UGT2A2: variants seen among roughly 807,000 people sequenced by gnomAD.
UGT2A2 encodes the protein UDP-glucuronosyltransferase 2A2.
UGT2A2 carries 60 observed loss-of-function variants against 50.7 expected under a neutral mutation model. The ratio of observed to expected loss-of-function variants is 1.18; its 90% CI spans 0.96 to 1.47. The LOEUF (loss-of-function observed/expected upper bound fraction) is 1.47, where lower values mean the gene tolerates loss of function less well. UGT2A2 is among the 40% of genes most tolerant of loss of function. The probability of loss-of-function intolerance (pLI) is 0.00; values close to 1 mark genes in which losing one functional copy is unlikely to be tolerated. For missense variants in UGT2A2, 762 were observed against 634.0 expected, an observed-to-expected ratio of 1.20 and a Z score of -2.17; for synonymous variants, 242 against 214.6, an observed-to-expected ratio of 1.13 and a Z score of -1.11.
intron 1 of UGT2A2, among the ~76,000 whole-genome samples, chr4:69,614,417 G>A (rs1288377450): frequency 6.6e-6 from 1 of 151,006 alleles, no homozygotes; most frequent in Non-Finnish European, 1.5e-5. Context: ...CAGATTCATT[G>A]CAATCCCTAT....
rs141706101 is a variant in UGT2A2, at chr4:69,614,630, C to A, written c.743-15236G>T. 5.1e-3 allele frequency among the ~76,000 whole-genome samples: 776 copies of A among 152,002 alleles called. 9 individuals are homozygous for A. Among genetic ancestry groups the A allele is most frequent in the African/African-American group, 0.017 (709 of 41,488 alleles). ...CTATTATAAAAAAAGACATATAGAC[C>A]AATGGAATAGAATAATGGACACAGA... On this transcript the variant is annotated intron_variant, in intron 1 of 5. Coordinates refer to ENST00000604629, the MANE Select transcript of UGT2A2 (RefSeq NM_001105677.2).
chr4:69,626,115 C>CT (rs1316531002), intron 1 of UGT2A2, among the ~76,000 whole-genome samples: 3 of 150,736 alleles, frequency 2.0e-5, no homozygotes, highest in African/African-American at 7.3e-5. Context: ...TACTTCATAA[C>CT]TTTTTTTTCT....
At chr4:69,630,079 A>G (rs1003723605) in intron 1 of UGT2A2, among the ~76,000 whole-genome samples, 1 of 152,082 alleles carries the variant, frequency 6.6e-6, no homozygotes, top group African/African-American at 2.4e-5. Context: ...ACACCATTAT[A>G]GTGTAATTAA....
chr4:69,596,402 C>T (rs756118487), intron 2 of UGT2A2, 21 bp from the exon 3 acceptor site: 28 of 1,540,472 alleles, frequency 1.8e-5, no homozygotes, highest in Non-Finnish European at 2.4e-5. Flanking sequence ...AATATATTTT[C>T]TATTACAAAG....
chr4:69,599,219 T>C, intron 2 of UGT2A2, 27 bp downstream of exon 2: 1 of 1,587,678 alleles, frequency 6.3e-7, no homozygotes, highest in Non-Finnish European at 8.5e-7. Context: ...ATGAAGAGCA[T>C]AAAATCCTCC....
At chr4:69,595,891 C>G (rs546629974) in intron 3 of UGT2A2, among the ~76,000 whole-genome samples, 2 of 152,272 alleles carry the variant, frequency 1.3e-5, no homozygotes, top group African/African-American at 4.8e-5. Context: ...TGTTTACACT[C>G]TCTTTTCCTG....
chr4:69,589,587 G>C lies in UGT2A2; in HGVS notation c.1396C>G (p.Arg466Gly), dbSNP rs139303872. 3 of 1,613,820 alleles carry C rather than the reference G, an allele frequency of 1.9e-6. No homozygotes were observed. Among genetic ancestry groups the C allele is most frequent in the Non-Finnish European group, 1.7e-6 (2 of 1,179,890 alleles). ...HHDQPVKPLD[R>G]AVFWIEFVMR... Reference sequence around the variant, plus strand: ...ACAAACTCGATCCAGAAGACTGCTCGATCCAGGGGCTTTACAGGTTGATCA... The same window carrying C: ...ACAAACTCGATCCAGAAGACTGCTCCATCCAGGGGCTTTACAGGTTGATCA... Residue 466 changes from arginine to glycine, a missense_variant, in exon 6 of 6, where the codon CGA becomes GGA. Coordinates refer to ENST00000604629, the MANE Select transcript of UGT2A2 (RefSeq NM_001105677.2).
chr4:69,612,303 G>A (rs993338753), intron 1 of UGT2A2, among the ~76,000 whole-genome samples: 2 of 152,024 alleles, frequency 1.3e-5, no homozygotes, highest in African/African-American at 4.8e-5. Flanking sequence ...GGAAAAATCA[G>A]TATCGTTAAA....
chr4:69,616,803 A>G (rs1219211281), intron 1 of UGT2A2, among the ~76,000 whole-genome samples: 1 of 147,626 alleles, frequency 6.8e-6, no homozygotes, highest in East Asian at 2.0e-4. Context: ...AGCTAATGAC[A>G]CTTTCTAAAT....
At chr4:69,631,956 A>G (rs1179890782) in intron 1 of UGT2A2, among the ~76,000 whole-genome samples, 1 of 152,236 alleles carries the variant, frequency 6.6e-6, no homozygotes, top group African/African-American at 2.4e-5. Flanking sequence ...AAATAATATC[A>G]TTAAAATGAC....
chr4:69,600,458 T>G (rs1026077266), intron 1 of UGT2A2, among the ~76,000 whole-genome samples: 9 of 152,112 alleles, frequency 5.9e-5, no homozygotes, highest in African/African-American at 2.2e-4. Context: ...AAACTCCCTT[T>G]GGCCAGAATT....
At chr4:69,607,183 A>ACTAACCAAAACAGCATT (rs1390324533) in intron 1 of UGT2A2, among the ~76,000 whole-genome samples, 2 of 135,074 alleles carry the variant, frequency 1.5e-5, no homozygotes, top group South Asian at 2.4e-4. Context: ...GCAAGGCTAC[A>ACTAACCAAAACAGCATT]GTAACCAAAA....
Position 69,639,173 on chromosome 4 carries a change from C to A in UGT2A2, c.468G>T (p.Leu156Phe), listed in dbSNP as rs1306374515. ...ARLQKGGFDV[L>F]VADPVTICGD... Reference sequence around the variant, plus strand: ...CACAGATTGTTACTGGGTCTGCTACCAACACATCAAAACCACCTTTCTGAA... The same window carrying A: ...CACAGATTGTTACTGGGTCTGCTACAAACACATCAAAACCACCTTTCTGAA... The change falls in exon 1 of 6, where the codon TTG (leucine) becomes TTT (phenylalanine). Residue 156 changes from leucine to phenylalanine, a missense_variant. Coordinates refer to ENST00000604629, the MANE Select transcript of UGT2A2 (RefSeq NM_001105677.2). The A allele has an allele frequency of 1.2e-6, 2 of 1,613,634 alleles. No individual in the cohort carries two copies. The highest frequency in any genetic ancestry group is 2.2e-5 in the East Asian group (1 of 44,860).
At chr4:69,592,408 T>C (rs1453637463) in intron 5 of UGT2A2, among the ~76,000 whole-genome samples, 2 of 151,924 alleles carry the variant, frequency 1.3e-5, no homozygotes, top group African/African-American at 4.8e-5. Context: ...AAACTAAAAA[T>C]GCATTTAGGT....
chr4:69,624,767 C>A (rs975571957), intron 1 of UGT2A2, among the ~76,000 whole-genome samples: 3 of 151,332 alleles, frequency 2.0e-5, no homozygotes, highest in African/African-American at 7.3e-5. Context: ...TGTATTACAA[C>A]TTCACAATAC....
intron 2 of UGT2A2, among the ~76,000 whole-genome samples, 194 bp from the exon 3 acceptor site, chr4:69,596,575 C>T (rs983557417): frequency 2.6e-5 from 4 of 152,140 alleles, no homozygotes; most frequent in Admixed American, 6.6e-5. Flanking sequence ...CAGGCTGGAG[C>T]GCAGTGGCAT....
chr4:69,619,274 G>T (rs1720598452), intron 1 of UGT2A2, among the ~76,000 whole-genome samples: 1 of 151,698 alleles, frequency 6.6e-6, no homozygotes, highest in African/African-American at 2.4e-5. Flanking sequence ...GGTGGTGCAT[G>T]CGTGTAGTCC....
chr4:69,638,571 T>C (rs80335439), intron 1 of UGT2A2, among the ~76,000 whole-genome samples: 6,255 of 152,248 alleles, frequency 0.041, 146 homozygotes, highest in Middle Eastern at 0.072. Context: ...CGAAAATATT[T>C]GCCAGGGTAT....
chr4:69,595,297 C>T (rs1374947149), intron 3 of UGT2A2, 48 bp from the exon 4 acceptor site: 3 of 1,595,034 alleles, frequency 1.9e-6, no homozygotes, highest in Non-Finnish European at 2.6e-6. Flanking sequence ...ACAATGAGGA[C>T]ATTTTAAGTT....
Sources: gnomAD v4.1 joint callset for allele counts (sites outside exome capture counted in the v4.1 genomes callset) on GRCh38, gnomAD v4.1.1 for gene constraint, MANE v1.5 for transcripts, NCBI Gene and HGNC (gene_info 2026-07-23, HGNC 2026-07-21) for gene names.